CCSER1: variants seen among roughly 807,000 people sequenced by gnomAD.
The protein encoded by CCSER1 is coiled-coil serine rich protein 1, also known as serine-rich coiled-coil domain-containing protein 1.
Under a neutral mutation model 82.0 loss-of-function variants are expected in CCSER1, and 41 were observed. The ratio of observed to expected loss-of-function variants is 0.50; its 90% CI spans 0.39 to 0.65. The LOEUF is 0.65. CCSER1 is among the 30% of genes least tolerant of loss of function. The probability of loss-of-function intolerance (pLI) is 0.00; values close to 1 mark genes in which losing one functional copy is unlikely to be tolerated. For missense variants in CCSER1, 1,119 were observed against 1,064.2 expected, an observed-to-expected ratio of 1.05 and a Z score of -0.72; for synonymous variants, 414 against 383.9, an observed-to-expected ratio of 1.08 and a Z score of -0.92.
intron 5 of CCSER1, among the ~76,000 whole-genome samples, chr4:90,617,771 G>A (rs1016485682): frequency 2.0e-5 from 3 of 152,058 alleles, no homozygotes; most frequent in African/African-American, 7.2e-5. Context: ...TTAGTTCAGC[G>A]ATGACATTCT....
intron 9 of CCSER1, among the ~76,000 whole-genome samples, chr4:90,941,944 G>GTGTGT (rs1554047704): frequency 2.0e-5 from 3 of 148,962 alleles, no homozygotes; most frequent in Non-Finnish European, 4.4e-5. Flanking sequence ...TTTTTCGTTT[G>GTGTGT]TTTGTTTTGT....
At position 91,561,450 on chromosome 4, in the gene CCSER1, CCTTT is replaced by C. The variant is rs369926828; in HGVS notation, c.2218-37121_2218-37118del. On this transcript the variant is annotated intron_variant, in intron 10 of 10. Transcript: ENST00000509176. ...TTAAGTTTCAAGTCAAAATTTACTT[CCTTT>C]GAGAGGATTTTTCTCACTAGTCAGT... Among the ~76,000 whole-genome samples the C allele has an allele frequency of 3.8e-3, 575 of 151,552 alleles. 4 individuals are homozygous for C. The highest frequency in any genetic ancestry group is 6.7e-3 in the Non-Finnish European group (454 of 67,554).
At position 91,385,248 on chromosome 4, in the gene CCSER1, A is replaced by G. The variant is rs543173406; in HGVS notation, c.2218-213324A>G. Reference sequence around the variant, plus strand: ...GTATTAAGCATCTGTAAAAAGAATGAGGAAGATATTTATGAAAGGTATGGG... The same window carrying G: ...GTATTAAGCATCTGTAAAAAGAATGGGGAAGATATTTATGAAAGGTATGGG... On this transcript the variant is annotated intron_variant, in intron 10 of 10. Transcript: ENST00000509176. Among the ~76,000 whole-genome samples, 3 of 152,220 alleles carry G rather than the reference A, an allele frequency of 2.0e-5. No individual in the cohort carries two copies. In the South Asian group the frequency reaches 6.2e-4, roughly 32 times the overall value.
intron 8 of CCSER1, among the ~76,000 whole-genome samples, chr4:90,839,593 T>C (rs1302413253): frequency 6.6e-6 from 1 of 152,138 alleles, no homozygotes; most frequent in Non-Finnish European, 1.5e-5. Flanking sequence ...TTTAAGTGTG[T>C]TTATCTGGAG....
intron 1 of CCSER1, among the ~76,000 whole-genome samples, chr4:90,210,324 A>G (rs1173347416): frequency 2.6e-5 from 4 of 152,216 alleles, no homozygotes; most frequent in South Asian, 2.1e-4. Flanking sequence ...AACTATACAT[A>G]TATATGTTTT....
chr4:90,320,626 G>A (rs1736980494), intron 3 of CCSER1, among the ~76,000 whole-genome samples: 1 of 152,124 alleles, frequency 6.6e-6, no homozygotes, highest in Non-Finnish European at 1.5e-5. Flanking sequence ...GGTAAGCGAA[G>A]ATTTTTAAAA....
chr4:90,618,126 A>C (rs1318788104), intron 5 of CCSER1, among the ~76,000 whole-genome samples: 1 of 151,984 alleles, frequency 6.6e-6, no homozygotes, highest in African/African-American at 2.4e-5. Context: ...AGGTTTTATT[A>C]ATCTTTCTCA....
chr4:90,674,609 A>G (rs964957584), intron 6 of CCSER1, among the ~76,000 whole-genome samples: 3 of 151,882 alleles, frequency 2.0e-5, no homozygotes, highest in African/African-American at 4.8e-5. Flanking sequence ...AAAAATATAT[A>G]TACATATATA....
chr4:90,271,862 A>ATTTTT (rs1176154331), intron 1 of CCSER1, among the ~76,000 whole-genome samples: 5 of 21,750 alleles, frequency 2.3e-4, no homozygotes, highest in African/African-American at 5.1e-4. Flanking sequence ...ATATATATAT[A>ATTTTT]TTTTTTTTTT....
intron 10 of CCSER1, among the ~76,000 whole-genome samples, chr4:91,359,796 C>A (rs146373681): frequency 6.6e-6 from 1 of 151,608 alleles, no homozygotes; most frequent in Admixed American, 6.6e-5. Flanking sequence ...CAGCAGTAAT[C>A]GTTAACAAGA....
chr4:91,422,259 T>C (rs1753719879), intron 10 of CCSER1, among the ~76,000 whole-genome samples: 1 of 152,066 alleles, frequency 6.6e-6, no homozygotes, highest in Non-Finnish European at 1.5e-5. Flanking sequence ...GATTGTATGG[T>C]TGAATATCTT....
chr4:91,156,841 G>A (rs746376300), intron 10 of CCSER1, among the ~76,000 whole-genome samples: 30 of 151,642 alleles, frequency 2.0e-4, no homozygotes, highest in Admixed American at 7.2e-4. Flanking sequence ...GATGTATTTT[G>A]GGTTATTATT....
rs778768381 is a variant in CCSER1 at position 90,312,852 on chromosome 4, C to T, written c.1325-11C>T. On this transcript the variant is annotated splice_polypyrimidine_tract_variant and intron_variant, in intron 2 of 10. Transcript: ENST00000509176. ...ATTTACCTTCATTTTTATTTATTTT[C>T]CTTTCCATAGTTCTTGCCAGTAGTC... is the stretch of plus-strand genomic sequence containing the variant. 4.0e-6 allele frequency: 6 copies of T among 1,515,460 alleles called. No individual in the cohort carries two copies. Among genetic ancestry groups the T allele is most frequent in the Admixed American group, 4.2e-5 (2 of 47,318 alleles). The allele number at this position is 1,515,460 out of a possible 1,614,324, so 93.9% of individuals were successfully genotyped here. A position where few individuals can be genotyped will look rare whatever the true frequency, so the allele number is the denominator to read the frequency against.
chr4:90,991,965 T>TA (rs75607627), intron 9 of CCSER1, among the ~76,000 whole-genome samples: 14,443 of 152,126 alleles, frequency 0.095, 861 homozygotes, highest in Admixed American at 0.17. Flanking sequence ...GAATGCTTGT[T>TA]AGTTCTTGCC....
chr4:90,710,285 GT>G (rs1301639119), intron 6 of CCSER1, among the ~76,000 whole-genome samples: 1 of 151,602 alleles, frequency 6.6e-6, no homozygotes, highest in Non-Finnish European at 1.5e-5. Context: ...TGTTGTTGTT[GT>G]TTTTTGTTTT....
At chr4:90,293,700 G>A (rs1012531162) in intron 1 of CCSER1, among the ~76,000 whole-genome samples, 1 of 150,652 alleles carries the variant, frequency 6.6e-6, no homozygotes, top group Non-Finnish European at 1.5e-5. Context: ...AAAATTTAAG[G>A]CAAATCCAGT....
At chr4:90,671,250 T>C (rs767804290) in intron 6 of CCSER1, among the ~76,000 whole-genome samples, 19 of 152,000 alleles carry the variant, frequency 1.3e-4, no homozygotes, top group Non-Finnish European at 2.6e-4. Context: ...AATTGACTCT[T>C]CCATTCATAA....
chr4:91,043,959 T>C, intron 9 of CCSER1, among the ~76,000 whole-genome samples: 1 of 152,162 alleles, frequency 6.6e-6, no homozygotes, highest in East Asian at 1.9e-4. Flanking sequence ...GGAAATATTA[T>C]AACTAATCTA....
intron 5 of CCSER1, among the ~76,000 whole-genome samples, chr4:90,480,003 A>G (rs1225046733): frequency 2.0e-5 from 3 of 152,158 alleles, no homozygotes; most frequent in East Asian, 3.9e-4. Flanking sequence ...ACAGTGTCAA[A>G]GTGTTCCTAT....
Sources: gnomAD v4.1 joint callset for allele counts (sites outside exome capture counted in the v4.1 genomes callset) on GRCh38, gnomAD v4.1.1 for gene constraint, MANE v1.5 for transcripts, NCBI Gene and HGNC (gene_info 2026-07-23, HGNC 2026-07-21) for gene names.